The following CELSR1 variants were observed in gnomAD, a reference collection of about 807,000 sequenced individuals.
CELSR1 encodes the protein adhesion G protein-coupled receptor C1.
A neutral mutation model predicts 249.1 loss-of-function variants in CELSR1; 110 were observed. That is an observed-to-expected ratio of 0.44 (90% CI 0.38 to 0.52). The LOEUF is 0.52. Ranked by LOEUF, CELSR1 falls within the 20% of genes least tolerant of loss-of-function variation. CELSR1 has a pLI of 0.00. For missense variants in CELSR1, 4,109 were observed against 4,296.4 expected (o/e 0.96, Z 1.22); for synonymous variants, 2,113 against 1,900.0 (o/e 1.11, Z -2.92).
rs1013151381 is a variant in CELSR1 at position 46,490,691 on chromosome 22, C to CG, written c.3545-26347dup. ...CAGACTCAGGAAAGTGGTGGGTGTG[C>CG]GGGGACACTTTAAAATACCAGAAAA... On this transcript the variant is annotated intron_variant, in intron 1 of 34. Transcript: ENST00000674500. The surrounding 1 kb of genome is among the most constrained non-coding windows in gnomAD (Gnocchi z 5.2). Among the ~76,000 whole-genome samples, 4 of 152,100 alleles carry CG rather than the reference C, an allele frequency of 2.6e-5. No homozygotes were observed. The highest frequency in any genetic ancestry group is 9.7e-5 in the African/African-American group (4 of 41,400).
rs146626077 is a variant in CELSR1, at chr22:46,389,359, G to A, written c.6486C>T (p.His2162=). The A allele has an allele frequency of 2.4e-5, 39 of 1,610,850 alleles. No homozygotes were observed. The highest frequency in any genetic ancestry group is 8.0e-5 in the African/African-American group (6 of 74,928). The change falls in exon 18 of 35, where the codon CAC becomes CAT. Residue 2162 remains histidine, a synonymous_variant. Transcript: ENST00000674500. The part of the protein sequence containing the change: ...DVRTAYQLLG[H]VLQHESWQQG... ...GCTGCCAGCTCTCGTGCTGAAGGAC[G>A]TGGCCCAGCAGCTGGTAGGCCGTGC...
At chr22:46,414,668 A>G (rs116265804) in intron 5 of CELSR1, among the ~76,000 whole-genome samples, 2,433 of 151,828 alleles carry the variant, frequency 0.016, 67 homozygotes, top group Middle Eastern at 0.055. Context: ...AGCAAGTGTC[A>G]CGGAGGCAGG....
Position 46,389,473 on chromosome 22 carries a change from C to A in CELSR1, c.6372G>T (p.Thr2124=), listed in dbSNP as rs34751339. The change falls in exon 18 of 35, where the codon ACG becomes ACT. Residue 2124 remains threonine, a synonymous_variant. Transcript: ENST00000674500. Reference sequence around the variant, plus strand: ...GCAGGGCCCTGGCGCCGTCCACCTGCGTCTCATTGCGGCTCAGCTTCTCAT... The same window carrying A: ...GCAGGGCCCTGGCGCCGTCCACCTGAGTCTCATTGCGGCTCAGCTTCTCAT... The part of the protein sequence containing the change: ...AMNEKLSRNE[T]QVDGARALQL... 5,755 of 1,613,316 alleles carry A rather than the reference C, an allele frequency of 3.6e-3. 186 individuals carry two copies. The African/African-American group carries it at 0.066, about 19-fold the overall frequency.
intron 2 of CELSR1, among the ~76,000 whole-genome samples, chr22:46,459,945 G>A (rs1036838762): frequency 6.6e-6 from 1 of 152,246 alleles, no homozygotes; most frequent in Non-Finnish European, 1.5e-5. Context: ...AGTGGCTCAC[G>A]CCTGTAAACC....
chr22:46,509,787 G>A (rs1255711286), intron 1 of CELSR1, among the ~76,000 whole-genome samples: 2 of 152,112 alleles, frequency 1.3e-5, no homozygotes, highest in East Asian at 1.9e-4. Flanking sequence ...ATGGCTGTGG[G>A]GGTCAACAGG....
At chr22:46,367,296 G>A (rs2078796603) in intron 28 of CELSR1, among the ~76,000 whole-genome samples, 178 bp from the exon 29 acceptor site, 2 of 152,222 alleles carry the variant, frequency 1.3e-5, no homozygotes, top group African/African-American at 2.4e-5. Context: ...GGCCAGGTGG[G>A]GGAGCTCAGA....
At position 46,473,729 on chromosome 22, in the gene CELSR1, G is replaced by A. The variant is rs1346417779; in HGVS notation, c.3545-9384C>T. 1.3e-5 allele frequency among the ~76,000 whole-genome samples: 2 copies of A among 152,158 alleles called. No individual in the cohort carries two copies. Among genetic ancestry groups the A allele is most frequent in the Non-Finnish European group, 2.9e-5 (2 of 68,028 alleles). ...TTCCCGAGGCCTTCACAGCAGGCAG[G>A]GAGGGCCCTGCTTGGTGGCTCCTGG... On this transcript the variant is annotated intron_variant, in intron 1 of 34. Coordinates refer to ENST00000674500, the MANE Select transcript of CELSR1 (RefSeq NM_001378328.1). This position sits in a 1 kb window ranked among gnomAD's most constrained non-coding sequence, Gnocchi z 6.6.
Position 46,531,999 on chromosome 22 carries a change from T to A in CELSR1, c.3544+1628A>T, listed in dbSNP as rs117396265. ...GTGGAGCCCCCAGCCCATTTTCAAC[T>A]GTGGTCTAAGCTGCGCCCCAGGTGA... On this transcript the variant is annotated intron_variant, in intron 1 of 34. Transcript: ENST00000674500. Among the ~76,000 whole-genome samples the A allele has an allele frequency of 6.3e-3, 954 of 152,290 alleles. 4 individuals are homozygous for A. The highest frequency in any genetic ancestry group is 0.015 in the Admixed American group (222 of 15,304).
At chr22:46,469,513 G>T (rs6008848) in intron 1 of CELSR1, among the ~76,000 whole-genome samples, 107,027 of 151,552 alleles carry the variant, frequency 0.71, 37,717 homozygotes, top group East Asian at 0.85. Context: ...TTTTGTTGTT[G>T]TTTGTTTGTT....
chr22:46,393,625 C>A lies in CELSR1; in HGVS notation c.5964+517G>T, dbSNP rs958116640. On this transcript the variant is annotated intron_variant, in intron 14 of 34. Coordinates refer to ENST00000674500, the MANE Select transcript of CELSR1 (RefSeq NM_001378328.1). The surrounding 1 kb of genome is among the most constrained non-coding windows in gnomAD (Gnocchi z 4.1). ...TGGTGGTGGGCGCCTATAATCCCAG[C>A]TACTCAGGAGGCTGAGGCAGAAGAA... Among the ~76,000 whole-genome samples, 4 of 151,942 alleles carry A rather than the reference C, an allele frequency of 2.6e-5. No individual in the cohort carries two copies. In the East Asian group the frequency reaches 7.7e-4, roughly 29 times the overall value.
At position 46,396,909 on chromosome 22, in the gene CELSR1, C is replaced by T. The variant is rs1265149095; in HGVS notation, c.5702-163G>A. ...GAGTCCCCGAAAACACAGCGTTAGG[C>T]GGGTTAGACTTAGTGATGCAGAGAG... On this transcript the variant is annotated intron_variant, in intron 12 of 34. Transcript: ENST00000674500. The surrounding 1 kb of genome is among the most constrained non-coding windows in gnomAD (Gnocchi z 6.4). Among the ~76,000 whole-genome samples, 3 of 152,082 alleles carry T rather than the reference C, an allele frequency of 2.0e-5. No individual in the cohort carries two copies. The highest frequency in any genetic ancestry group is 2.9e-5 in the Non-Finnish European group (2 of 68,006).
intron 24 of CELSR1, among the ~76,000 whole-genome samples, chr22:46,373,684 A>T (rs1271033347): frequency 1.9e-5 from 1 of 52,546 alleles, no homozygotes; most frequent in Non-Finnish European, 4.1e-5. Context: ...GATGGGGGAG[A>T]TGGGGGAGAA....
At chr22:46,442,296 C>G (rs111581872) in intron 2 of CELSR1, among the ~76,000 whole-genome samples, 1 of 152,278 alleles carries the variant, frequency 6.6e-6, no homozygotes, top group East Asian at 1.9e-4. Context: ...TTCCGCCTCC[C>G]GGCCCAGTTC....
intron 31 of CELSR1, 52 bp from the exon 32 acceptor site, chr22:46,365,432 CCCA>C (rs1344116096): frequency 1.9e-6 from 3 of 1,599,834 alleles, no homozygotes; most frequent in Non-Finnish European, 2.6e-6. Context: ...GTGAGGGAGT[CCCA>C]CCGAGGGCCA....
intron 3 of CELSR1, among the ~76,000 whole-genome samples, chr22:46,438,578 A>C (rs1452014424): frequency 6.6e-6 from 1 of 152,216 alleles, no homozygotes; most frequent in African/African-American, 2.4e-5. Context: ...TGTCCAGTGC[A>C]ATAATCTCAG....
chr22:46,499,847 G>A (rs1171529023), intron 1 of CELSR1, among the ~76,000 whole-genome samples: 1 of 151,936 alleles, frequency 6.6e-6, no homozygotes, highest in Non-Finnish European at 1.5e-5. Context: ...CTTCTCATCT[G>A]TCAGACATAA....
rs2147510836 is a variant in CELSR1, at chr22:46,448,997, T to C, written c.4184-9586A>G. ...AACACCACACGAATTTGCCCATCTG[T>C]TATTCCATTCACTCATCTATCCATC... On this transcript the variant is annotated intron_variant, in intron 2 of 34. Coordinates refer to ENST00000674500, the MANE Select transcript of CELSR1 (RefSeq NM_001378328.1). The surrounding 1 kb of genome is among the most constrained non-coding windows in gnomAD (Gnocchi z 5.7). Among the ~76,000 whole-genome samples the C allele has an allele frequency of 6.6e-6, 1 of 152,258 alleles. No individual in the cohort carries two copies. Among genetic ancestry groups the C allele is most frequent in the Middle Eastern group, 3.4e-3 (1 of 294 alleles).
rs760363952 is a variant in CELSR1 at position 46,536,493 on chromosome 22, C to G, written c.678G>C (p.Arg226=). 3.8e-6 allele frequency: 6 copies of G among 1,583,534 alleles called. No individual in the cohort carries two copies. The highest frequency in any genetic ancestry group is 1.8e-5 in the Admixed American group (1 of 55,820). ...GCCGGGCCCGTCGCGCCGGCCCCGC[C>G]CGGGCTTCGGGCAAGTTCGGCGGCA... The part of the protein sequence containing the change: ...PPLPPNLPEA[R]AGPARRARRG... The change falls in exon 1 of 35, where the codon CGG becomes CGC. Residue 226 remains arginine (R), a synonymous_variant. Transcript: ENST00000674500.
At chr22:46,438,212 A>G (rs2079689081) in intron 3 of CELSR1, among the ~76,000 whole-genome samples, 1 of 152,222 alleles carries the variant, frequency 6.6e-6, no homozygotes, top group African/African-American at 2.4e-5. Context: ...GGGAAGGAGA[A>G]GGAAAGAACA....
Sources: gnomAD v4.1 joint callset for allele counts (sites outside exome capture counted in the v4.1 genomes callset) on GRCh38, gnomAD v4.1.1 for gene constraint, Gnocchi (gnomAD v3.1) non-coding constraint, MANE v1.5 for transcripts, NCBI Gene and HGNC (gene_info 2026-07-23, HGNC 2026-07-21) for gene names.